Variants in EML4 observed in about 807,000 individuals in gnomAD.
EML4 encodes EMAP like 4, also known as echinoderm microtubule-associated protein-like 4.
EML4 carries 72 observed loss-of-function variants against 129.0 expected under a neutral mutation model. The observed-to-expected ratio is 0.56, with a 90% CI of 0.46 to 0.68. EML4 has a LOEUF of 0.68. EML4 is among the 30% of genes least tolerant of loss of function. The pLI is 0.00. For synonymous variants in EML4, 532 were observed against 405.0 expected, an observed-to-expected ratio of 1.31 and a Z score of -3.77; for missense variants, 1,363 against 1,190.6, an observed-to-expected ratio of 1.14 and a Z score of -2.13.
At chr2:42,268,368 C>T (rs1453422480) in intron 6 of EML4, among the ~76,000 whole-genome samples, 3 of 152,182 alleles carry the variant, frequency 2.0e-5, no homozygotes, top group African/African-American at 4.8e-5. Context: ...ACAGATTTTG[C>T]TCTCTGCAGG....
At chr2:42,196,018 C>T (rs1247660904) in intron 1 of EML4, among the ~76,000 whole-genome samples, 1 of 152,040 alleles carries the variant, frequency 6.6e-6, no homozygotes, top group East Asian at 1.9e-4. Context: ...ATACATTGAC[C>T]AGACTTAGAT....
chr2:42,262,292 A>G (rs1489813529), intron 4 of EML4, among the ~76,000 whole-genome samples: 2 of 152,172 alleles, frequency 1.3e-5, no homozygotes, highest in African/African-American at 4.8e-5. Context: ...TGTGTGTCTC[A>G]TGCAGATTCT....
intron 1 of EML4, among the ~76,000 whole-genome samples, chr2:42,177,126 A>G (rs896877640): frequency 7.2e-5 from 11 of 152,136 alleles, no homozygotes; most frequent in Non-Finnish European, 1.2e-4. Flanking sequence ...TGAAGGTTTT[A>G]TTGAAGGCTG....
chr2:42,187,668 A>T (rs936053178), intron 1 of EML4, among the ~76,000 whole-genome samples: 7 of 151,084 alleles, frequency 4.6e-5, no homozygotes, highest in Admixed American at 1.3e-4. Flanking sequence ...TTTGGTGCTC[A>T]TTTTTTTTAA....
At chr2:42,227,110 T>C (rs1674014068) in intron 1 of EML4, among the ~76,000 whole-genome samples, 1 of 152,134 alleles carries the variant, frequency 6.6e-6, no homozygotes, top group Non-Finnish European at 1.5e-5. Context: ...GTTCATTCTT[T>C]TTCTTTTTTT....
intron 1 of EML4, among the ~76,000 whole-genome samples, chr2:42,241,657 C>G (rs1405273240): frequency 6.6e-6 from 1 of 152,108 alleles, no homozygotes; most frequent in Non-Finnish European, 1.5e-5. Flanking sequence ...GTTTAAGCCC[C>G]TTGCGTGGCT....
At position 42,205,005 on chromosome 2, in the gene EML4, T is replaced by C. The variant is rs116841016; in HGVS notation, c.25+35369T>C. Among the ~76,000 whole-genome samples, 7 of 152,326 alleles carry C rather than the reference T, an allele frequency of 4.6e-5. No individual in the cohort carries two copies. The East Asian group carries it at 1.3e-3, about 29-fold the overall frequency. Reference sequence around the variant, plus strand: ...TCATAAATATTCATCTCTTAATCATTTGCAATACATTGCCATTTTGTTCTA... The same window carrying C: ...TCATAAATATTCATCTCTTAATCATCTGCAATACATTGCCATTTTGTTCTA... On this transcript the variant is annotated intron_variant, in intron 1 of 22. Transcript: ENST00000318522.
intron 1 of EML4, among the ~76,000 whole-genome samples, chr2:42,203,851 A>G (rs1343805504): frequency 6.6e-6 from 1 of 152,074 alleles, no homozygotes; most frequent in Non-Finnish European, 1.5e-5. Flanking sequence ...AATAATAATG[A>G]AAATATAGTG....
At chr2:42,280,450 G>A (rs1038123393) in intron 6 of EML4, among the ~76,000 whole-genome samples, 17 of 152,088 alleles carry the variant, frequency 1.1e-4, no homozygotes, top group Non-Finnish European at 1.9e-4. Context: ...GCCAACCATG[G>A]GTTGAAAATA....
intron 6 of EML4, among the ~76,000 whole-genome samples, chr2:42,277,035 G>A (rs1388157064): frequency 6.6e-6 from 1 of 152,054 alleles, no homozygotes; most frequent in Non-Finnish European, 1.5e-5. Flanking sequence ...AGCTGTGCCT[G>A]TTCAAAAAGG....
intron 19 of EML4, among the ~76,000 whole-genome samples, chr2:42,324,808 G>A (rs1047833382): frequency 2.0e-5 from 3 of 152,188 alleles, no homozygotes; most frequent in South Asian, 2.1e-4. Flanking sequence ...TTAGTGTTTC[G>A]TAGTTTTTTT....
chr2:42,326,620 A>C (rs908331418), intron 21 of EML4, among the ~76,000 whole-genome samples: 13 of 152,190 alleles, frequency 8.5e-5, no homozygotes, highest in African/African-American at 2.7e-4. Flanking sequence ...AGTGGCTCAC[A>C]CCTGTAATTC....
At position 42,280,932 on chromosome 2, in the gene EML4, C is replaced by T; in HGVS notation, c.750C>T (p.Ile250=). 1 of 1,612,010 alleles carries T rather than the reference C, an allele frequency of 6.2e-7. No individual in the cohort carries two copies. The highest frequency in any genetic ancestry group is 8.5e-7 in the Non-Finnish European group (1 of 1,178,944). The change falls in exon 7 of 23, where the codon ATC becomes ATT. Residue 250 remains isoleucine, a synonymous_variant. Transcript: ENST00000318522. ...CCGATGTTGACAACTATGATGACAT[C>T]AGAACGGAACTGCCTCCTGAGAAGC... ...IPSDVDNYDD[I]RTELPPEKLK...
chr2:42,209,978 C>T (rs1672788771), intron 1 of EML4, among the ~76,000 whole-genome samples: 1 of 152,030 alleles, frequency 6.6e-6, no homozygotes, highest in African/African-American at 2.4e-5. Flanking sequence ...CAATAGACTT[C>T]ATTTAGAACA....
intron 1 of EML4, among the ~76,000 whole-genome samples, chr2:42,240,242 T>G (rs1162397954): frequency 6.6e-6 from 1 of 152,224 alleles, no homozygotes; most frequent in Admixed American, 6.5e-5. Context: ...CATTTTACCT[T>G]AAAGGGCATA....
chr2:42,182,398 C>A (rs181117877), intron 1 of EML4, among the ~76,000 whole-genome samples: 1 of 150,724 alleles, frequency 6.6e-6, no homozygotes, highest in African/African-American at 2.4e-5. Flanking sequence ...CCGACATTCT[C>A]ATCCCACCAG....
At chr2:42,253,620 C>G (rs1675930544) in intron 2 of EML4, among the ~76,000 whole-genome samples, 1 of 152,110 alleles carries the variant, frequency 6.6e-6, no homozygotes, top group African/African-American at 2.4e-5. Context: ...GAAGATGCAT[C>G]CATTTAGTTG....
At chr2:42,247,345 G>T (rs1231996411) in intron 2 of EML4, among the ~76,000 whole-genome samples, 4 of 152,158 alleles carry the variant, frequency 2.6e-5, no homozygotes, top group Non-Finnish European at 4.4e-5. Context: ...GGTTAAAGCG[G>T]AGAATGGAAG....
At chr2:42,188,612 C>G (rs1201539154) in intron 1 of EML4, among the ~76,000 whole-genome samples, 2 of 152,058 alleles carry the variant, frequency 1.3e-5, no homozygotes, top group East Asian at 3.9e-4. Context: ...GTGGTGCGAT[C>G]TTGGCTCACT....
Sources: allele counts gnomAD v4.1 joint callset (sites outside exome capture counted in the v4.1 genomes callset), GRCh38; gene constraint gnomAD v4.1.1; transcripts MANE v1.5; gene names NCBI Gene and HGNC (gene_info 2026-07-23, HGNC 2026-07-21).